The following IMMP2L variants were observed in gnomAD, a reference collection of about 807,000 sequenced individuals.
The protein encoded by IMMP2L is inner mitochondrial membrane peptidase subunit 2.
In IMMP2L, 18 loss-of-function variants were observed where a neutral mutation model predicts 19.3. The observed-to-expected ratio is 0.93, with a 90% confidence interval of 0.64 to 1.38. IMMP2L has a LOEUF of 1.38. Ranked by LOEUF, IMMP2L falls within the 40% of genes most tolerant of loss-of-function variation. IMMP2L has a pLI of 0.00. For synonymous variants in IMMP2L, 76 were observed against 73.0 expected, an observed-to-expected ratio of 1.04 and a Z score of -0.21; for missense variants, 233 against 218.2, an observed-to-expected ratio of 1.07 and a Z score of -0.43.
At chr7:111,389,472 G>A (rs2131312636) in intron 3 of IMMP2L, among the ~76,000 whole-genome samples, 1 of 151,918 alleles carries the variant, frequency 6.6e-6, no homozygotes, top group South Asian at 2.1e-4. Flanking sequence ...CTTATTTTTA[G>A]AAAATAGTCA....
chr7:110,688,860 T>C lies in IMMP2L; in HGVS notation c.409-25139A>G, dbSNP rs758623305. 1.2e-3 allele frequency among the ~76,000 whole-genome samples: 178 copies of C among 151,320 alleles called. 2 individuals are homozygous for C. In the Middle Eastern group the frequency reaches 0.017, roughly 14 times the overall value. On this transcript the variant is annotated intron_variant, in intron 5 of 5. Coordinates refer to ENST00000405709, the MANE Select transcript of IMMP2L (RefSeq NM_032549.4). Reference sequence around the variant, plus strand: ...CTCTCTCTGTATGTATGTATGTATATACACATACATATAACATGTGTACAT... The same window carrying C: ...CTCTCTCTGTATGTATGTATGTATACACACATACATATAACATGTGTACAT...
intron 3 of IMMP2L, among the ~76,000 whole-genome samples, chr7:111,450,646 T>A (rs1467758462): frequency 6.7e-6 from 1 of 149,330 alleles, no homozygotes; most frequent in Non-Finnish European, 1.5e-5. Flanking sequence ...GACATAGGCG[T>A]GGGCAAGGAC....
chr7:111,124,535 AG>A (rs1206499461), intron 3 of IMMP2L: 1 of 1,613,734 alleles, frequency 6.2e-7, no homozygotes, highest in East Asian at 2.2e-5. Context: ...CCATCAACTG[AG>A]TATAAAATTT....
At chr7:111,367,911 A>T (rs1829927768) in intron 3 of IMMP2L, among the ~76,000 whole-genome samples, 1 of 151,900 alleles carries the variant, frequency 6.6e-6, no homozygotes, top group South Asian at 2.1e-4. Flanking sequence ...TTCACTGAGC[A>T]ACAAACGCTG....
chr7:111,103,111 A>C (rs1798159120), intron 3 of IMMP2L, among the ~76,000 whole-genome samples: 1 of 151,618 alleles, frequency 6.6e-6, no homozygotes, highest in South Asian at 2.1e-4. Flanking sequence ...AGTACTAATG[A>C]ATGTTGTTAA....
chr7:111,310,314 C>T (rs1474218867), intron 3 of IMMP2L, among the ~76,000 whole-genome samples: 1 of 150,592 alleles, frequency 6.6e-6, no homozygotes, highest in Non-Finnish European at 1.5e-5. Context: ...CCACGAACTT[C>T]GCCAGATTGG....
At chr7:111,307,673 T>C (rs1206508551) in intron 3 of IMMP2L, among the ~76,000 whole-genome samples, 2 of 151,722 alleles carry the variant, frequency 1.3e-5, no homozygotes, top group African/African-American at 4.8e-5. Context: ...CCCATAAGTT[T>C]TACCATATTC....
chr7:110,977,660 C>A (rs555698781), intron 3 of IMMP2L, among the ~76,000 whole-genome samples: 1 of 151,934 alleles, frequency 6.6e-6, no homozygotes, highest in South Asian at 2.1e-4. Flanking sequence ...TGCCAAATGA[C>A]TTCTCTCTTT....
intron 3 of IMMP2L, among the ~76,000 whole-genome samples, chr7:111,031,564 C>A (rs1381239344): frequency 6.6e-6 from 1 of 151,824 alleles, no homozygotes; most frequent in African/African-American, 2.4e-5. Flanking sequence ...TATCCACAAG[C>A]CTACACAGAT....
In IMMP2L at chr7:110,930,093, G is replaced by A. The variant is rs75431099; in HGVS notation, c.305+33407C>T. On this transcript the variant is annotated intron_variant, in intron 4 of 5. Coordinates refer to ENST00000405709, the MANE Select transcript of IMMP2L (RefSeq NM_032549.4). Reference sequence around the variant, plus strand: ...TTCATCATATATAAGACTGAGCAGCGTAAATCAGAAACCTTGTTAAGTCAG... The same window carrying A: ...TTCATCATATATAAGACTGAGCAGCATAAATCAGAAACCTTGTTAAGTCAG... Among the ~76,000 whole-genome samples the A allele has an allele frequency of 9.5e-3, 1,451 of 152,244 alleles. 25 individuals carry two copies. Among genetic ancestry groups the A allele is most frequent in the African/African-American group, 0.033 (1,367 of 41,540 alleles).
At chr7:111,415,101 T>C (rs1455478759) in intron 3 of IMMP2L, among the ~76,000 whole-genome samples, 1 of 151,742 alleles carries the variant, frequency 6.6e-6, no homozygotes, top group Non-Finnish European at 1.5e-5. Flanking sequence ...TAAAAGGGAG[T>C]GGGTCCTCCT....
At chr7:111,151,498 C>T (rs1407776414) in intron 3 of IMMP2L, among the ~76,000 whole-genome samples, 1 of 152,008 alleles carries the variant, frequency 6.6e-6, no homozygotes, top group African/African-American at 2.4e-5. Flanking sequence ...CATAAACTGA[C>T]CTATGGAATT....
chr7:110,823,883 C>T (rs1203808115), intron 5 of IMMP2L, among the ~76,000 whole-genome samples: 2 of 152,008 alleles, frequency 1.3e-5, no homozygotes, highest in African/African-American at 4.8e-5. Flanking sequence ...TATCAAAGAA[C>T]ATCGGAATTT....
chr7:111,498,478 T>C (rs1439342556), intron 2 of IMMP2L, among the ~76,000 whole-genome samples: 2 of 152,006 alleles, frequency 1.3e-5, no homozygotes, highest in Non-Finnish European at 2.9e-5. Context: ...TTCCTATTCA[T>C]TGCTAAGTTT....
chr7:110,932,965 C>T lies in IMMP2L; in HGVS notation c.305+30535G>A, dbSNP rs190342081. Among the ~76,000 whole-genome samples the T allele has an allele frequency of 2.8e-4, 42 of 152,258 alleles. 1 individual carries two copies. Among genetic ancestry groups the T allele is most frequent in the African/African-American group, 8.4e-4 (35 of 41,554 alleles). On this transcript the variant is annotated intron_variant, in intron 4 of 5. Coordinates refer to ENST00000405709, the MANE Select transcript of IMMP2L (RefSeq NM_032549.4). ...AAAATGTTATTTCAGAATATTACAT[C>T]GCAAAGAGCTCTAACTCTCTTTAGT...
intron 3 of IMMP2L, among the ~76,000 whole-genome samples, chr7:111,404,131 T>C (rs928058429): frequency 6.6e-6 from 1 of 152,028 alleles, no homozygotes; most frequent in African/African-American, 2.4e-5. Context: ...GCCACAGAAA[T>C]TCATGCTAGT....
intron 1 of IMMP2L, among the ~76,000 whole-genome samples, chr7:111,536,242 A>C (rs1474281653): frequency 3.3e-5 from 5 of 152,286 alleles, no homozygotes; most frequent in Middle Eastern, 3.4e-3. Context: ...TAATACCATG[A>C]AAATAATGTT....
At chr7:111,126,612 T>C (rs1229103370) in intron 3 of IMMP2L, among the ~76,000 whole-genome samples, 1 of 152,054 alleles carries the variant, frequency 6.6e-6, no homozygotes, top group Non-Finnish European at 1.5e-5. Context: ...GCCAAGTACA[T>C]TAGTAGTCAT....
rs77838661 is a variant in IMMP2L at position 111,315,410 on chromosome 7, C to T, written c.239+171828G>A. Among the ~76,000 whole-genome samples the T allele has an allele frequency of 6.9e-3, 1,049 of 151,548 alleles. 12 individuals carry two copies. The highest frequency in any genetic ancestry group is 0.023 in the African/African-American group (931 of 41,314). ...TGAATCCTTCAGTAGCCTATGAGTC[C>T]CTTAATGGCAGGAAATGACTGAAAA... On this transcript the variant is annotated intron_variant, in intron 3 of 5. Coordinates refer to ENST00000405709, the MANE Select transcript of IMMP2L (RefSeq NM_032549.4).
Sources: allele counts gnomAD v4.1 joint callset (sites outside exome capture counted in the v4.1 genomes callset), GRCh38; gene constraint gnomAD v4.1.1; transcripts MANE v1.5; gene names NCBI Gene and HGNC (gene_info 2026-07-23, HGNC 2026-07-21).